The following CNST variants were observed in gnomAD, a reference collection of about 807,000 sequenced individuals.
CNST encodes consortin.
In CNST, 39 loss-of-function variants were observed where a neutral mutation model predicts 72.4. The ratio of observed to expected loss-of-function variants is 0.54; its 90% CI spans 0.42 to 0.70. The LOEUF (loss-of-function observed/expected upper bound fraction) is 0.70. CNST is among the 30% of genes least tolerant of loss of function. The pLI, the probability that CNST is intolerant of heterozygous loss-of-function variation, is 0.00. For missense variants in CNST, 871 were observed against 868.5 expected (o/e 1.00, Z -0.04); for synonymous variants, 332 against 320.1 (o/e 1.04, Z -0.40).
chr1:246,653,003 CAAAA>C (rs201486368), intron 9 of CNST, among the ~76,000 whole-genome samples: 1 of 101,580 alleles, frequency 9.8e-6, no homozygotes, highest in Admixed American at 1.1e-4. Context: ...GACTCTGTCT[CAAAA>C]AAAAAAAAAA....
intron 2 of CNST, among the ~76,000 whole-genome samples, chr1:246,617,501 G>A (rs1663785520): frequency 6.6e-6 from 1 of 152,100 alleles, no homozygotes; most frequent in Non-Finnish European, 1.5e-5. Context: ...TGAGACTTAG[G>A]GGCACTCCTG....
At chr1:246,632,898 A>C (rs958720662) in intron 4 of CNST, among the ~76,000 whole-genome samples, 2 of 152,224 alleles carry the variant, frequency 1.3e-5, no homozygotes, top group Non-Finnish European at 2.9e-5. Context: ...ATAAGGATCA[A>C]GGTGACTTGA....
At chr1:246,573,832 C>G (rs549168944) in intron 1 of CNST, among the ~76,000 whole-genome samples, 1 of 151,548 alleles carries the variant, frequency 6.6e-6, no homozygotes, top group South Asian at 2.1e-4. Context: ...TGGAGAGTTT[C>G]CATTTTCCTC....
chr1:246,663,750 A>C (rs563096450), intron 10 of CNST, among the ~76,000 whole-genome samples: 24 of 152,304 alleles, frequency 1.6e-4, no homozygotes, highest in East Asian at 9.7e-4. Flanking sequence ...CAAAAAAAAA[A>C]ACAACTATTT....
At position 246,621,579 on chromosome 1, in the gene CNST, T is replaced by C. The variant is rs377036493; in HGVS notation, c.530T>C (p.Ile177Thr). The C allele has an allele frequency of 7.4e-6, 12 of 1,614,094 alleles. No homozygotes were observed. Among genetic ancestry groups the C allele is most frequent in the African/African-American group, 2.7e-5 (2 of 74,948 alleles). Residue 177 changes from isoleucine to threonine, a missense_variant, in exon 3 of 11, where the codon ATA becomes ACA. Ile to Thr is a moderately conservative substitution (Grantham distance 89). Transcript: ENST00000366513. ...GTTCTGCAGTCTCTGTTTTCACTTATACGAGGTGAAGTTGAGCAGTTGGAT... is the reference window on the plus strand; with the variant it reads ...GTTCTGCAGTCTCTGTTTTCACTTACACGAGGTGAAGTTGAGCAGTTGGAT... ...KLVLQSLFSL[I>T]RGEVEQLDSR...
At chr1:246,642,973 C>T (rs368640113) in intron 8 of CNST, among the ~76,000 whole-genome samples, 121 of 149,310 alleles carry the variant, frequency 8.1e-4, no homozygotes, top group Middle Eastern at 3.4e-3. Flanking sequence ...CTCATTGCAG[C>T]GATCTCCTGG....
chr1:246,662,000 C>T (rs1667126423), intron 10 of CNST, among the ~76,000 whole-genome samples: 1 of 152,202 alleles, frequency 6.6e-6, no homozygotes, highest in Admixed American at 6.5e-5. Context: ...TTGAAACTCA[C>T]AGTCTGCATT....
intron 6 of CNST, among the ~76,000 whole-genome samples, chr1:246,636,067 G>A (rs563709523): frequency 5.3e-5 from 8 of 152,376 alleles, no homozygotes; most frequent in Non-Finnish European, 8.8e-5. Flanking sequence ...GTCGCATAGT[G>A]CACTTAGGCA....
chr1:246,632,771 A>G (rs1664857728), intron 4 of CNST, among the ~76,000 whole-genome samples: 2 of 152,210 alleles, frequency 1.3e-5, no homozygotes, highest in African/African-American at 4.8e-5. Context: ...TAATAATGGA[A>G]ATCACTGTGG....
At chr1:246,659,091 A>G (rs1313234379) in intron 9 of CNST, among the ~76,000 whole-genome samples, 4 of 152,238 alleles carry the variant, frequency 2.6e-5, no homozygotes, top group African/African-American at 9.6e-5. Flanking sequence ...ATTAGGCAGC[A>G]GACTTTTTCT....
At chr1:246,624,136 A>G (rs765007393) in intron 3 of CNST, among the ~76,000 whole-genome samples, 16 of 152,244 alleles carry the variant, frequency 1.1e-4, no homozygotes, top group Non-Finnish European at 2.2e-4. Context: ...AATTTGTATT[A>G]TCTCCTTTAC....
chr1:246,658,465 CTTGTTGATTT>C (rs1444631953), intron 9 of CNST, among the ~76,000 whole-genome samples: 2 of 150,482 alleles, frequency 1.3e-5, no homozygotes, highest in African/African-American at 5.0e-5. Context: ...ATATTGTTGG[CTTGTTGATTT>C]TTTTTTTGAG....
Position 246,581,263 on chromosome 1 carries a change from C to G in CNST, c.-51-10249C>G, listed in dbSNP as rs183593491. ...TGTCTCCATGCTGTATTTTTTCTAC[C>G]CATACCAATCTTTTTTTTTGAGACG... On this transcript the variant is annotated intron_variant, in intron 1 of 10. Transcript: ENST00000366513. Among the ~76,000 whole-genome samples the G allele has an allele frequency of 1.3e-3, 194 of 152,120 alleles. 2 individuals carry two copies. The highest frequency in any genetic ancestry group is 6.8e-3 in the Middle Eastern group (2 of 294).
At chr1:246,634,678 T>A in intron 6 of CNST, 91 bp downstream of exon 6, 1 of 730,032 alleles carries the variant, frequency 1.4e-6, no homozygotes, top group Non-Finnish European at 2.3e-6. Flanking sequence ...GTTTTATGTT[T>A]TCAACTGGAG....
chr1:246,604,090 G>T (rs1662505009), intron 2 of CNST, among the ~76,000 whole-genome samples: 1 of 152,134 alleles, frequency 6.6e-6, no homozygotes, highest in Non-Finnish European at 1.5e-5. Flanking sequence ...AAACTAGCCG[G>T]GGGTGGTGGC....
intron 8 of CNST, among the ~76,000 whole-genome samples, chr1:246,646,240 A>C (rs537805739): frequency 7.0e-6 from 1 of 143,644 alleles, no homozygotes; most frequent in Admixed American, 6.9e-5. Context: ...AGATCGCGCC[A>C]CTGTGCTCCA....
At chr1:246,640,480 T>TA (rs1665615433) in intron 6 of CNST, among the ~76,000 whole-genome samples, 1 of 152,312 alleles carries the variant, frequency 6.6e-6, no homozygotes, top group Non-Finnish European at 1.5e-5. Context: ...ATAAGGCACT[T>TA]ACTTTTTTAA....
At chr1:246,587,081 G>A (rs1378874924) in intron 1 of CNST, among the ~76,000 whole-genome samples, 1 of 152,076 alleles carries the variant, frequency 6.6e-6, no homozygotes, top group Non-Finnish European at 1.5e-5. Flanking sequence ...GACTTATAAG[G>A]ATTAAATTAT....
chr1:246,625,893 T>A (rs1475782771), intron 3 of CNST, among the ~76,000 whole-genome samples: 1 of 152,156 alleles, frequency 6.6e-6, no homozygotes, highest in Non-Finnish European at 1.5e-5. Context: ...TTAAATCCGG[T>A]GGTCAGACCT....
Sources: gnomAD v4.1 joint callset for allele counts (sites outside exome capture counted in the v4.1 genomes callset) on GRCh38, gnomAD v4.1.1 for gene constraint, MANE v1.5 for transcripts, NCBI Gene and HGNC (gene_info 2026-07-23, HGNC 2026-07-21) for gene names.